PRKCA: variants seen among roughly 807,000 people sequenced by gnomAD.
PRKCA encodes the protein protein kinase C alpha, also known as protein kinase C alpha type.
In PRKCA, 27 loss-of-function variants were observed where a neutral mutation model predicts 87.0. The observed-to-expected ratio is 0.31, with a 90% CI of 0.23 to 0.43. The LOEUF is 0.43. Among genes scored for constraint, PRKCA ranks in the 20% least tolerant of loss-of-function variants. PRKCA has a pLI of 1.00. For synonymous variants in PRKCA, 329 were observed against 311.1 expected (o/e 1.06, Z -0.61); for missense variants, 518 against 852.3 (o/e 0.61, Z 4.88).
chr17:66,377,701 TTA>T lies in PRKCA; in HGVS notation c.205+71594_205+71595del, dbSNP rs1276051811. ...ATTATATATATATAAAGTCTATGTT[TTA>T]TATATATATATATATATATTTTTTT... is the stretch of plus-strand genomic sequence containing the variant. On this transcript the variant is annotated intron_variant, in intron 2 of 16. Coordinates refer to ENST00000413366, the MANE Select transcript of PRKCA (RefSeq NM_002737.3). Among the ~76,000 whole-genome samples the T allele has an allele frequency of 6.7e-4, 52 of 77,938 alleles. 1 individual carries two copies. The highest frequency in any genetic ancestry group is 2.2e-3 in the African/African-American group (42 of 18,990). The allele number at this position is 77,938 out of a possible 152,430, so 51.1% of individuals were successfully genotyped here.
At chr17:66,411,697 G>A (rs1032832772) in intron 2 of PRKCA, among the ~76,000 whole-genome samples, 42 of 152,160 alleles carry the variant, frequency 2.8e-4, no homozygotes, top group African/African-American at 9.7e-4. Context: ...TGTGAGTCAA[G>A]GCAGTGGCAC....
intron 2 of PRKCA, among the ~76,000 whole-genome samples, chr17:66,487,480 A>AT (rs79412705): frequency 0.15 from 23,284 of 152,240 alleles, 2,107 homozygotes; most frequent in East Asian, 0.3. Context: ...TGCAGTGAAT[A>AT]TGGGATTACA....
intron 2 of PRKCA, among the ~76,000 whole-genome samples, chr17:66,445,226 A>G (rs936098250): frequency 6.6e-6 from 1 of 152,154 alleles, no homozygotes; most frequent in African/African-American, 2.4e-5. Flanking sequence ...CTGTGGTTTA[A>G]TGGAGTCTCC....
chr17:66,423,008 G>T (rs931831708), intron 2 of PRKCA, among the ~76,000 whole-genome samples: 1 of 152,160 alleles, frequency 6.6e-6, no homozygotes, highest in Non-Finnish European at 1.5e-5. Context: ...CTACTCGGGA[G>T]GCTGAGGCAG....
At chr17:66,604,876 T>A (rs1332818532) in intron 3 of PRKCA, among the ~76,000 whole-genome samples, 1 of 151,886 alleles carries the variant, frequency 6.6e-6, no homozygotes, top group Non-Finnish European at 1.5e-5. Flanking sequence ...TGGGGGTGCG[T>A]TGCCTGTGAT....
At chr17:66,493,594 G>A (rs1272990172) in intron 2 of PRKCA, among the ~76,000 whole-genome samples, 2 of 151,830 alleles carry the variant, frequency 1.3e-5, no homozygotes, top group Non-Finnish European at 2.9e-5. Context: ...CCGTTCACAA[G>A]CATTCACTGT....
At chr17:66,472,151 A>T (rs1049566100) in intron 2 of PRKCA, among the ~76,000 whole-genome samples, 2 of 152,106 alleles carry the variant, frequency 1.3e-5, no homozygotes, top group African/African-American at 4.8e-5. Context: ...TTCTGCAAAG[A>T]TGAAGTCTTG....
intron 3 of PRKCA, among the ~76,000 whole-genome samples, chr17:66,506,883 A>G (rs1428055480): frequency 6.6e-6 from 1 of 152,208 alleles, no homozygotes. Flanking sequence ...TTCGTGATGT[A>G]CAAACAGCCA....
At chr17:66,305,862 A>C (rs1904788382) in intron 1 of PRKCA, among the ~76,000 whole-genome samples, 1 of 152,222 alleles carries the variant, frequency 6.6e-6, no homozygotes, top group South Asian at 2.1e-4. Context: ...AATTGGAAAA[A>C]AGGTTGATAC....
At chr17:66,741,749 G>T in intron 12 of PRKCA, 28 bp downstream of exon 12, 1 of 1,609,344 alleles carries the variant, frequency 6.2e-7, no homozygotes, top group Non-Finnish European at 8.5e-7. Flanking sequence ...CCTACCAGCA[G>T]CTCAGCAGAG....
chr17:66,633,276 A>G (rs1971069904), intron 3 of PRKCA, among the ~76,000 whole-genome samples: 1 of 152,182 alleles, frequency 6.6e-6, no homozygotes, highest in Admixed American at 6.5e-5. Context: ...AACCAAAAAA[A>G]TTTTAAATAG....
At chr17:66,413,164 C>A (rs1360548082) in intron 2 of PRKCA, among the ~76,000 whole-genome samples, 1 of 152,214 alleles carries the variant, frequency 6.6e-6, no homozygotes, top group Non-Finnish European at 1.5e-5. Context: ...GTGCTCCTGA[C>A]TGACTGTCTC....
At chr17:66,429,589 AT>A (rs1011184569) in intron 2 of PRKCA, among the ~76,000 whole-genome samples, 4 of 151,046 alleles carry the variant, frequency 2.6e-5, no homozygotes, top group Middle Eastern at 3.4e-3. Context: ...CATCTAGTCC[AT>A]TTTTTTTTCC....
At chr17:66,387,870 C>T (rs1485254778) in intron 2 of PRKCA, among the ~76,000 whole-genome samples, 1 of 152,230 alleles carries the variant, frequency 6.6e-6, no homozygotes, top group Non-Finnish European at 1.5e-5. Flanking sequence ...TGCCAGATTC[C>T]TACCCACCTC....
At chr17:66,566,582 G>A (rs1036940142) in intron 3 of PRKCA, among the ~76,000 whole-genome samples, 2 of 151,214 alleles carry the variant, frequency 1.3e-5, no homozygotes, top group Non-Finnish European at 2.9e-5. Context: ...GATCCATGGG[G>A]GAATTTTATT....
intron 5 of PRKCA, among the ~76,000 whole-genome samples, chr17:66,673,366 G>A (rs1336184385): frequency 6.6e-6 from 1 of 152,152 alleles, no homozygotes; most frequent in Non-Finnish European, 1.5e-5. Context: ...CAAGCAGCCA[G>A]CCTCACCAGC....
chr17:66,430,009 C>G (rs1913017314), intron 2 of PRKCA, among the ~76,000 whole-genome samples: 3 of 152,064 alleles, frequency 2.0e-5, no homozygotes, highest in Non-Finnish European at 4.4e-5. Context: ...TCAAGGACTC[C>G]TGAGCTACAC....
chr17:66,446,998 A>T (rs1914067402), intron 2 of PRKCA, among the ~76,000 whole-genome samples: 1 of 152,170 alleles, frequency 6.6e-6, no homozygotes. Flanking sequence ...CCCTTTTCAC[A>T]CCTGGAGAAA....
chr17:66,607,673 T>C (rs1480918368), intron 3 of PRKCA, among the ~76,000 whole-genome samples: 1 of 152,096 alleles, frequency 6.6e-6, no homozygotes, highest in Non-Finnish European at 1.5e-5. Flanking sequence ...TTTGCTGCTG[T>C]TTCTAGATTC....
Sources: allele counts gnomAD v4.1 joint callset (sites outside exome capture counted in the v4.1 genomes callset), GRCh38; gene constraint gnomAD v4.1.1; transcripts MANE v1.5; gene names NCBI Gene and HGNC (gene_info 2026-07-23, HGNC 2026-07-21).